Variants in RNF220 observed in about 807,000 individuals in gnomAD.
RNF220 encodes the protein ring finger protein 220.
In RNF220, 7 loss-of-function variants were observed where a neutral mutation model predicts 67.1. That is an observed-to-expected ratio of 0.10 (90% CI 0.06 to 0.20). RNF220 has a LOEUF of 0.20. RNF220 is among the 10% of genes least tolerant of loss of function. The probability of loss-of-function intolerance (pLI) is 1.00; values close to 1 mark genes in which losing one functional copy is unlikely to be tolerated. For missense variants in RNF220, 565 were observed against 740.3 expected (o/e 0.76, Z 2.75); for synonymous variants, 270 against 283.2 (o/e 0.95, Z 0.47).
At chr1:44,484,529 A>G (rs562400998) in intron 2 of RNF220, among the ~76,000 whole-genome samples, 6 of 152,166 alleles carry the variant, frequency 3.9e-5, no homozygotes, top group Non-Finnish European at 5.9e-5. Context: ...GTCTGGAGAC[A>G]TAGCACGTAC....
intron 2 of RNF220, among the ~76,000 whole-genome samples, chr1:44,511,858 AAG>A (rs1271391305): frequency 6.6e-6 from 1 of 151,986 alleles, no homozygotes; most frequent in African/African-American, 2.4e-5. Flanking sequence ...GATACAATGA[AAG>A]GGGGAAAAAA....
intron 2 of RNF220, among the ~76,000 whole-genome samples, chr1:44,590,774 T>C (rs368109101): frequency 6.6e-6 from 1 of 152,154 alleles, no homozygotes; most frequent in Non-Finnish European, 1.5e-5. Context: ...TGCCAGGCCC[T>C]GTTAAAGAAA....
chr1:44,623,872 AG>A (rs946924410), intron 4 of RNF220, among the ~76,000 whole-genome samples: 5 of 152,242 alleles, frequency 3.3e-5, no homozygotes, highest in African/African-American at 1.2e-4. Flanking sequence ...GCAGTCAAAC[AG>A]GGAAAGACTG....
At chr1:44,535,297 T>C (rs556291597) in intron 2 of RNF220, among the ~76,000 whole-genome samples, 2 of 152,270 alleles carry the variant, frequency 1.3e-5, no homozygotes, top group African/African-American at 2.4e-5. Context: ...CATGTCACCA[T>C]GCCCAGCTGA....
intron 2 of RNF220, among the ~76,000 whole-genome samples, chr1:44,422,878 T>C (rs576303212): frequency 6.6e-6 from 1 of 152,342 alleles, no homozygotes; most frequent in South Asian, 2.1e-4. Flanking sequence ...TGGATAAAAC[T>C]GTCGCAGAGT....
At position 44,645,538 on chromosome 1, in the gene RNF220, AG is replaced by A. The variant is rs1033609150; in HGVS notation, c.1445+54del. 1 of 1,581,166 alleles carries A rather than the reference AG, an allele frequency of 6.3e-7. No homozygotes were observed. ...CCTGGGACCACAGTTCAGTGGGAGG[AG>A]GGGCCCTTTGCTAGCAGGAAGGCCT... On this transcript the variant is annotated intron_variant, in intron 12 of 14. Coordinates refer to ENST00000361799, the MANE Select transcript of RNF220 (RefSeq NM_018150.4). The surrounding 1 kb of genome is among the most constrained non-coding windows in gnomAD (Gnocchi z 5.0).
At chr1:44,536,119 G>C (rs1000420493) in intron 2 of RNF220, among the ~76,000 whole-genome samples, 2 of 152,106 alleles carry the variant, frequency 1.3e-5, no homozygotes, top group African/African-American at 4.8e-5. Flanking sequence ...TGATGGAGTA[G>C]GGTGACCTTA....
At chr1:44,625,749 C>A (rs1194902549) in intron 4 of RNF220, among the ~76,000 whole-genome samples, 1 of 151,930 alleles carries the variant, frequency 6.6e-6, no homozygotes. Context: ...TAGAAGAGGC[C>A]ATACAAGATT....
At chr1:44,632,482 T>C in intron 6 of RNF220, 97 bp downstream of exon 6, 2 of 1,164,338 alleles carry the variant, frequency 1.7e-6, no homozygotes, top group Non-Finnish European at 2.4e-6. Flanking sequence ...TCTCTTCGAC[T>C]CTGGGGCCCG....
At chr1:44,586,817 C>G (rs1665734205) in intron 2 of RNF220, among the ~76,000 whole-genome samples, 1 of 152,072 alleles carries the variant, frequency 6.6e-6, no homozygotes, top group African/African-American at 2.4e-5. Flanking sequence ...ACAGTAGGCA[C>G]TGGTTTTGGA....
intron 8 of RNF220, among the ~76,000 whole-genome samples, chr1:44,638,043 A>G (rs1031687160): frequency 6.6e-6 from 1 of 152,212 alleles, no homozygotes; most frequent in Non-Finnish European, 1.5e-5. Context: ...GAGGCTCCTC[A>G]GTGGGGGGGC....
intron 2 of RNF220, among the ~76,000 whole-genome samples, chr1:44,504,395 C>T (rs559166892): frequency 1.3e-5 from 2 of 152,268 alleles, no homozygotes; most frequent in East Asian, 1.9e-4. Context: ...TTAAGGACCC[C>T]GTTATCTGGG....
At chr1:44,525,719 C>T (rs1043484341) in intron 2 of RNF220, among the ~76,000 whole-genome samples, 1 of 152,154 alleles carries the variant, frequency 6.6e-6, no homozygotes, top group Non-Finnish European at 1.5e-5. Flanking sequence ...TTCTGCGTTC[C>T]TCCTGTGAAT....
At chr1:44,448,981 G>A (rs1445988188) in intron 2 of RNF220, among the ~76,000 whole-genome samples, 1 of 152,214 alleles carries the variant, frequency 6.6e-6, no homozygotes, top group Non-Finnish European at 1.5e-5. Flanking sequence ...CCAAGACGCT[G>A]CAGACTTAGG....
intron 2 of RNF220, among the ~76,000 whole-genome samples, chr1:44,430,691 C>G (rs1472038106): frequency 6.6e-6 from 1 of 152,142 alleles, no homozygotes; most frequent in African/African-American, 2.4e-5. Context: ...ATTATAGGCG[C>G]CTGCCACCAC....
At chr1:44,608,457 A>C (rs1667440483) in intron 2 of RNF220, among the ~76,000 whole-genome samples, 1 of 152,194 alleles carries the variant, frequency 6.6e-6, no homozygotes, top group Admixed American at 6.5e-5. Flanking sequence ...TCAGGTCTGG[A>C]TTCAGACAGA....
At chr1:44,526,808 C>T (rs568945117) in intron 2 of RNF220, among the ~76,000 whole-genome samples, 2 of 152,264 alleles carry the variant, frequency 1.3e-5, no homozygotes, top group Admixed American at 6.5e-5. Context: ...CCTCCACTTC[C>T]CCACCTCCCA....
At chr1:44,458,435 G>A (rs1653422314) in intron 2 of RNF220, among the ~76,000 whole-genome samples, 2 of 151,518 alleles carry the variant, frequency 1.3e-5, no homozygotes, top group East Asian at 3.9e-4. Context: ...CCTAACTTGG[G>A]TAAGTTGCTT....
At chr1:44,592,765 A>G (rs991615363) in intron 2 of RNF220, among the ~76,000 whole-genome samples, 10 of 152,102 alleles carry the variant, frequency 6.6e-5, no homozygotes, top group East Asian at 1.9e-4. Context: ...CCAAAGACAC[A>G]TGGCTAGCCA....
Sources: allele counts gnomAD v4.1 joint callset (sites outside exome capture counted in the v4.1 genomes callset), GRCh38; gene constraint gnomAD v4.1.1; non-coding constraint Gnocchi (gnomAD v3.1); transcripts MANE v1.5; gene names NCBI Gene and HGNC (gene_info 2026-07-23, HGNC 2026-07-21).